The following DMC1 variants were observed in gnomAD, a reference collection of about 807,000 sequenced individuals.
The protein encoded by DMC1 is DNA meiotic recombinase 1, also known as meiotic recombination protein DMC1 homolog.
DMC1 carries 27 observed loss-of-function variants against 50.1 expected under a neutral mutation model. The ratio of observed to expected loss-of-function variants is 0.54; its 90% CI spans 0.40 to 0.74. The LOEUF (loss-of-function observed/expected upper bound fraction) is 0.74. Among genes scored for constraint, DMC1 ranks in the 30% least tolerant of loss-of-function variants. The pLI is 0.00. For missense variants in DMC1, 295 were observed against 420.2 expected (o/e 0.70, Z 2.60); for synonymous variants, 148 against 136.1 (o/e 1.09, Z -0.61).
chr22:38,533,681 G>A (rs1306298915), intron 12 of DMC1, among the ~76,000 whole-genome samples: 1 of 152,028 alleles, frequency 6.6e-6, no homozygotes, highest in Non-Finnish European at 1.5e-5. Flanking sequence ...ATTAATTTAG[G>A]CAAGAATCTT....
chr22:38,512,302 G>T, the DMC1 span, among the ~76,000 whole-genome samples: 1 of 152,016 alleles, frequency 6.6e-6, no homozygotes, highest in East Asian at 1.9e-4. Flanking sequence ...CTCTCAACTT[G>T]GTTTCTCTGA....
chr22:38,562,596 G>C (rs571687981), intron 4 of DMC1, among the ~76,000 whole-genome samples: 3 of 152,178 alleles, frequency 2.0e-5, no homozygotes, highest in Admixed American at 2.0e-4. Flanking sequence ...CTATGATATG[G>C]AGTAAACTAC....
intron 5 of DMC1, among the ~76,000 whole-genome samples, chr22:38,557,587 T>C (rs867851558): frequency 3.9e-5 from 6 of 152,070 alleles, no homozygotes; most frequent in Middle Eastern, 3.2e-3. Flanking sequence ...GTGCCTGCAG[T>C]CCCATCTACT....
At chr22:38,511,229 T>C in the DMC1 span, among the ~76,000 whole-genome samples, 3 of 152,174 alleles carry the variant, frequency 2.0e-5, no homozygotes, top group Non-Finnish European at 4.4e-5. Context: ...GAAGATTTTG[T>C]TGTAAAGAAT....
At chr22:38,526,209 G>GAT (rs1447507405) in intron 12 of DMC1, among the ~76,000 whole-genome samples, 1 of 151,664 alleles carries the variant, frequency 6.6e-6, no homozygotes, top group African/African-American at 2.4e-5. Flanking sequence ...CAAATTTATG[G>GAT]ATTTTTTTTT....
At chr22:38,534,280 T>C (rs1432666471) in intron 12 of DMC1, among the ~76,000 whole-genome samples, 1 of 152,226 alleles carries the variant, frequency 6.6e-6, no homozygotes, top group Non-Finnish European at 1.5e-5. Context: ...GATAATTATA[T>C]TGTGGCTATG....
downstream of DMC1, among the ~76,000 whole-genome samples, chr22:38,516,786 T>C (rs1286206033): frequency 6.6e-6 from 1 of 152,144 alleles, no homozygotes; most frequent in East Asian, 1.9e-4. Context: ...CAGGGCAGGT[T>C]AAACAGTTGA....
chr22:38,509,777 C>T, the DMC1 span, among the ~76,000 whole-genome samples: 1 of 152,030 alleles, frequency 6.6e-6, no homozygotes, highest in Non-Finnish European at 1.5e-5. Context: ...TCAAGCAATT[C>T]TCCTGCCTCA....
At chr22:38,566,856 G>T in intron 3 of DMC1, 120 bp from the exon 4 acceptor site, 2 of 1,034,674 alleles carry the variant, frequency 1.9e-6, no homozygotes, top group Non-Finnish European at 2.9e-6. Flanking sequence ...TATACAAGCT[G>T]CCAGGTGGAA....
At position 38,518,981 on chromosome 22, in the gene DMC1, A is replaced by G. The variant is rs1569150471; in HGVS notation, c.*1039T>C. On this transcript the variant is annotated 3_prime_UTR_variant, in exon 14 of 14. Coordinates refer to ENST00000216024, the MANE Select transcript of DMC1 (RefSeq NM_007068.4). Reference sequence around the variant, plus strand: ...GAAAACAGGATTTTATTTGTTTAACAATCAAAATAATATCTTTTACACATT... The same window carrying G: ...GAAAACAGGATTTTATTTGTTTAACGATCAAAATAATATCTTTTACACATT... 6.6e-6 allele frequency: 1 copy of G among 152,640 alleles called. No individual in the cohort carries two copies. Among genetic ancestry groups the G allele is most frequent in the East Asian group, 1.9e-4 (1 of 5,204 alleles). The allele number at this position is 152,640 out of a possible 1,614,324, so 9.5% of individuals were successfully genotyped here.
the DMC1 span, among the ~76,000 whole-genome samples, chr22:38,513,570 C>CT: frequency 4.6e-5 from 7 of 152,088 alleles, no homozygotes; most frequent in Non-Finnish European, 8.8e-5. Flanking sequence ...TTCTCTCTCT[C>CT]TTTCTTTTTT....
At chr22:38,517,218 T>C (rs1334725126), downstream of DMC1, among the ~76,000 whole-genome samples, 3 of 152,192 alleles carry the variant, frequency 2.0e-5, no homozygotes, top group Non-Finnish European at 4.4e-5. Context: ...TTGCTATCTC[T>C]AAGAATTGGC....
chr22:38,567,507 G>T, intron 3 of DMC1, 76 bp downstream of exon 3: 1 of 1,243,078 alleles, frequency 8.0e-7, no homozygotes, highest in Non-Finnish European at 1.2e-6. Context: ...GAATTATCCA[G>T]GCCCAAATGT....
chr22:38,558,153 G>A lies in DMC1; in HGVS notation c.327-2744C>T, dbSNP rs1008283922. Among the ~76,000 whole-genome samples, 50 of 150,412 alleles carry A rather than the reference G, an allele frequency of 3.3e-4. 1 individual carries two copies. The highest frequency in any genetic ancestry group is 6.1e-4 in the Non-Finnish European group (41 of 67,586). ...ATTTTTGTATTTTTAGTAGAGACAG[G>A]GTGATCCTGTCTTTAGTAGAGACCT... is the stretch of plus-strand genomic sequence containing the variant. On this transcript the variant is annotated intron_variant, in intron 5 of 13. Transcript: ENST00000216024.
intron 6 of DMC1, 147 bp downstream of exon 6, chr22:38,555,210 T>G: frequency 6.7e-6 from 4 of 593,394 alleles, no homozygotes; most frequent in East Asian, 3.0e-5. Context: ...AATGATCTCA[T>G]GTTATGATAA....
In DMC1 at chr22:38,538,531, G is replaced by A. The variant is rs549690822; in HGVS notation, c.660+8C>T. 11 of 1,613,454 alleles carry A rather than the reference G, an allele frequency of 6.8e-6. No individual in the cohort carries two copies. In the East Asian group the frequency reaches 2.2e-4, roughly 33 times the overall value. On this transcript the variant is annotated splice_region_variant and intron_variant, in intron 10 of 13. Coordinates refer to ENST00000216024, the MANE Select transcript of DMC1 (RefSeq NM_007068.4). ...AGCTCTGTGAAAGCAATATTTAAAAGCTTGTACCAATAGCTTGAAGATGCC... is the reference window on the plus strand; with the variant it reads ...AGCTCTGTGAAAGCAATATTTAAAAACTTGTACCAATAGCTTGAAGATGCC...
rs2090385862 is a variant in DMC1, at chr22:38,549,973, C to G, written c.446G>C (p.Gly149Ala). The G allele has an allele frequency of 1.9e-6, 3 of 1,613,566 alleles. No homozygotes were observed. The highest frequency in any genetic ancestry group is 2.5e-6 in the Non-Finnish European group (3 of 1,179,694). The change falls in exon 8 of 14, where the codon GGT becomes GCT. Residue 149 changes from glycine to alanine, a missense_variant. Transcript: ENST00000216024. ...GATAATCTTTCCTCCTGGGTAGCCA[C>G]CAGCTCCTGGAAGTTGAGCTGTCAC... is the stretch of plus-strand genomic sequence containing the variant. ...LCVTAQLPGA[G>A]GYPGGKIIFI...
intron 11 of DMC1, 135 bp downstream of exon 11, chr22:38,538,160 A>G (rs964327472): frequency 1.3e-6 from 1 of 745,958 alleles, no homozygotes. Context: ...CAAAAAAAAA[A>G]CAAAGAGTTG....
chr22:38,535,907 C>T (rs1395883056), intron 12 of DMC1, among the ~76,000 whole-genome samples: 1 of 151,774 alleles, frequency 6.6e-6, no homozygotes, highest in Non-Finnish European at 1.5e-5. Context: ...CCACTGCACC[C>T]AGCCTTTAAA....
Sources: allele counts gnomAD v4.1 joint callset (sites outside exome capture counted in the v4.1 genomes callset), GRCh38; gene constraint gnomAD v4.1.1; transcripts MANE v1.5; gene names NCBI Gene and HGNC (gene_info 2026-07-23, HGNC 2026-07-21).